Variants in PSME4 observed in about 807,000 individuals in gnomAD.
PSME4 encodes proteasome activator complex subunit 4.
PSME4 carries 89 observed loss-of-function variants against 253.9 expected under a neutral mutation model. The observed-to-expected ratio is 0.35, with a 90% CI of 0.30 to 0.42. PSME4 has a LOEUF of 0.42. PSME4 is among the 10% of genes least tolerant of loss of function. PSME4 has a pLI of 1.00. For synonymous variants in PSME4, 851 were observed against 759.2 expected, an observed-to-expected ratio of 1.12 and a Z score of -1.99; for missense variants, 2,014 against 2,195.2, an observed-to-expected ratio of 0.92 and a Z score of 1.65.
chr2:53,946,924 A>G (rs1232094945), intron 3 of PSME4, among the ~76,000 whole-genome samples: 2 of 151,956 alleles, frequency 1.3e-5, no homozygotes, highest in African/African-American at 2.4e-5. Flanking sequence ...GAAGGAAGGA[A>G]GGAAGGAAGG....
chr2:53,864,976 A>G lies in PSME4; in HGVS notation c.*602T>C, dbSNP rs1268621097. 5 of 152,594 alleles carry G rather than the reference A, an allele frequency of 3.3e-5. No homozygotes were observed. The East Asian group carries it at 9.6e-4, about 29-fold the overall frequency. 9.5% of individuals were successfully genotyped at this position (152,594 alleles called of 1,614,324 possible). ...AGCAACTGGCTCTATTCAGCACCAA[A>G]AACTCCAGTCTGTGGGAAGTGCACA... On this transcript the variant is annotated 3_prime_UTR_variant, in exon 47 of 47. Transcript: ENST00000404125.
At chr2:53,893,058 G>C (rs1679982087) in intron 35 of PSME4, 98 bp from the exon 36 acceptor site, 1 of 1,087,832 alleles carries the variant, frequency 9.2e-7, no homozygotes, top group South Asian at 1.8e-5. Context: ...GTGCTTAAAA[G>C]CTCCAAGCAC....
chr2:53,970,499 G>C (rs1470003957), intron 1 of PSME4, 44 bp downstream of exon 1: 1 of 1,547,542 alleles, frequency 6.5e-7, no homozygotes, highest in Admixed American at 2.0e-5. Flanking sequence ...ACCTCTCACT[G>C]AGCCTTTCCC....
chr2:53,903,933 G>C (rs1389024978), intron 27 of PSME4, 92 bp downstream of exon 27: 1 of 1,011,156 alleles, frequency 9.9e-7, no homozygotes, highest in African/African-American at 1.6e-5. Context: ...AATCTCAGTG[G>C]TGAAGAAGAT....
chr2:53,948,678 C>T (rs1190581191), intron 2 of PSME4, 141 bp from the exon 3 acceptor site: 2 of 633,144 alleles, frequency 3.2e-6, no homozygotes, highest in East Asian at 5.2e-5. Flanking sequence ...CACTCACTAG[C>T]AGAACATAGT....
chr2:53,949,426 A>T, intron 1 of PSME4, 143 bp from the exon 2 acceptor site: 1 of 451,868 alleles, frequency 2.2e-6, no homozygotes, highest in South Asian at 5.8e-5. Flanking sequence ...AATGTGGCAT[A>T]TACAACACAA....
intron 4 of PSME4, among the ~76,000 whole-genome samples, chr2:53,939,573 T>A (rs1253296459): frequency 1.3e-5 from 2 of 151,922 alleles, no homozygotes; most frequent in African/African-American, 4.8e-5. Context: ...CAAAAAATAT[T>A]GAAATAAAAA....
chr2:53,896,337 G>A (rs184114223), intron 32 of PSME4, among the ~76,000 whole-genome samples: 1 of 152,102 alleles, frequency 6.6e-6, no homozygotes, highest in Admixed American at 6.5e-5. Context: ...ATCCAATCCA[G>A]GATTAAACAT....
intron 20 of PSME4, among the ~76,000 whole-genome samples, chr2:53,916,970 T>C (rs535320274): frequency 2.0e-5 from 3 of 151,998 alleles, no homozygotes; most frequent in South Asian, 4.1e-4. Flanking sequence ...CCCCCACAGA[T>C]ACATGTAACT....
chr2:53,961,831 C>T (rs1573383063), intron 1 of PSME4, among the ~76,000 whole-genome samples: 2 of 152,118 alleles, frequency 1.3e-5, no homozygotes, highest in South Asian at 4.1e-4. Context: ...GAGAGTACAC[C>T]CAACAAAGGA....
At chr2:53,938,936 G>C (rs1308941612) in intron 4 of PSME4, among the ~76,000 whole-genome samples, 1 of 152,116 alleles carries the variant, frequency 6.6e-6, no homozygotes, top group Non-Finnish European at 1.5e-5. Flanking sequence ...TCCTTCTTAA[G>C]TTTTCTGATT....
chr2:53,887,960 G>A lies in PSME4; in HGVS notation c.4418C>T (p.Ala1473Val), dbSNP rs757820385. The change falls in exon 39 of 47, where the codon GCC becomes GTC. Residue 1473 changes from alanine to valine, a missense_variant. By Grantham distance (64) the Ala-to-Val change is moderately conservative. Transcript: ENST00000404125. ...CRLYVLQGGL[A>V]QQEWRVPELL... ...TTCAGGCACTCTCCATTCTTGCTGG[G>A]CAAGGCCACCTTGTAGTACATAAAG... The A allele has an allele frequency of 3.1e-6, 5 of 1,612,362 alleles. No individual in the cohort carries two copies. The highest frequency in any genetic ancestry group is 1.3e-5 in the African/African-American group (1 of 74,820).
At chr2:53,914,362 G>C (rs1031395512) in intron 20 of PSME4, among the ~76,000 whole-genome samples, 5 of 152,130 alleles carry the variant, frequency 3.3e-5, no homozygotes, top group Non-Finnish European at 7.3e-5. Flanking sequence ...GTAGAATTAT[G>C]AGTATAAACT....
chr2:53,865,659 T>G (rs2104404861), intron 46 of PSME4, 86 bp from the exon 47 acceptor site: 1 of 155,102 alleles, frequency 6.4e-6, no homozygotes, highest in South Asian at 2.0e-4. Context: ...TTCTTCCTAT[T>G]CCAGTAGAAA....
chr2:53,913,558 G>C (rs977570357), intron 20 of PSME4, among the ~76,000 whole-genome samples: 8 of 152,032 alleles, frequency 5.3e-5, no homozygotes, highest in African/African-American at 1.9e-4. Context: ...AAACATAAAA[G>C]ATGTAAAACC....
At chr2:53,921,863 G>A (rs531126534) in intron 17 of PSME4, among the ~76,000 whole-genome samples, 41 of 74,412 alleles carry the variant, frequency 5.5e-4, no homozygotes, top group African/African-American at 1.6e-3. Flanking sequence ...GCGAGACTCC[G>A]TCTCAAAAAA....
At chr2:53,933,670 T>C (rs575592289) in intron 8 of PSME4, among the ~76,000 whole-genome samples, 2 of 152,326 alleles carry the variant, frequency 1.3e-5, no homozygotes, top group South Asian at 2.1e-4. Context: ...ATGTGAGCCA[T>C]GGCACTCAGC....
chr2:53,924,626 T>C (rs1243096331), intron 14 of PSME4, among the ~76,000 whole-genome samples: 6 of 152,064 alleles, frequency 3.9e-5, no homozygotes. Context: ...AGTTGTTTCT[T>C]TTTTTTATTT....
chr2:53,954,928 C>G (rs187931682), intron 1 of PSME4, among the ~76,000 whole-genome samples: 78 of 152,074 alleles, frequency 5.1e-4, no homozygotes, highest in African/African-American at 1.8e-3. Flanking sequence ...GTCTATAATC[C>G]TAGCACTCTG....
Sources: allele counts gnomAD v4.1 joint callset (sites outside exome capture counted in the v4.1 genomes callset), GRCh38; gene constraint gnomAD v4.1.1; transcripts MANE v1.5; gene names NCBI Gene and HGNC (gene_info 2026-07-23, HGNC 2026-07-21).